The following SSBP2 variants were observed in gnomAD, a reference collection of about 807,000 sequenced individuals.
SSBP2 encodes single stranded DNA binding protein 2.
Under a neutral mutation model 61.8 loss-of-function variants are expected in SSBP2, and 17 were observed. The observed-to-expected ratio is 0.28, with a 90% confidence interval of 0.19 to 0.41. The LOEUF is 0.41. Among genes scored for constraint, SSBP2 ranks in the 10% least tolerant of loss-of-function variants. The pLI is 1.00. For missense variants in SSBP2, 310 were observed against 458.7 expected (o/e 0.68, Z 2.96); for synonymous variants, 139 against 141.3 (o/e 0.98, Z 0.12).
chr5:81,681,938 A>G (rs1441288823), intron 1 of SSBP2, among the ~76,000 whole-genome samples: 1 of 152,220 alleles, frequency 6.6e-6, no homozygotes. Context: ...GAACACCTCT[A>G]TACTCAAAAA....
At chr5:81,521,679 T>C (rs1234851618) in intron 4 of SSBP2, among the ~76,000 whole-genome samples, 2 of 152,022 alleles carry the variant, frequency 1.3e-5, no homozygotes, top group African/African-American at 4.8e-5. Flanking sequence ...ATTCTATATC[T>C]AGGTATTGGT....
At chr5:81,547,877 A>G (rs924814604) in intron 4 of SSBP2, among the ~76,000 whole-genome samples, 1 of 152,244 alleles carries the variant, frequency 6.6e-6, no homozygotes, top group African/African-American at 2.4e-5. Flanking sequence ...AAAAGGAGAC[A>G]GTGAAAAAAT....
intron 1 of SSBP2, among the ~76,000 whole-genome samples, chr5:81,724,635 T>G (rs1755754887): frequency 6.6e-6 from 1 of 151,972 alleles, no homozygotes; most frequent in Admixed American, 6.6e-5. Context: ...TATACAAAGG[T>G]AAACTCCTAA....
At chr5:81,512,217 T>G (rs763652812) in intron 5 of SSBP2, among the ~76,000 whole-genome samples, 5 of 152,198 alleles carry the variant, frequency 3.3e-5, no homozygotes, top group Non-Finnish European at 7.4e-5. Context: ...GCTTAAAAGA[T>G]AAATTCAGTG....
intron 4 of SSBP2, among the ~76,000 whole-genome samples, chr5:81,569,235 C>A (rs763418410): frequency 6.6e-5 from 10 of 152,120 alleles, no homozygotes; most frequent in Non-Finnish European, 1.5e-4. Context: ...CTGACAAAAG[C>A]ATAGTGTAAC....
chr5:81,439,309 C>T (rs1049212161), intron 14 of SSBP2, among the ~76,000 whole-genome samples: 5 of 151,876 alleles, frequency 3.3e-5, no homozygotes, highest in Middle Eastern at 3.2e-3. Context: ...TAAACATATA[C>T]GAACATAAAA....
chr5:81,623,778 A>G (rs984522820), intron 3 of SSBP2, among the ~76,000 whole-genome samples: 1 of 152,188 alleles, frequency 6.6e-6, no homozygotes, highest in African/African-American at 2.4e-5. Context: ...TTAAATATTT[A>G]TCTTATAATA....
intron 6 of SSBP2, among the ~76,000 whole-genome samples, chr5:81,478,542 T>C (rs1248346886): frequency 6.6e-6 from 1 of 152,130 alleles, no homozygotes; most frequent in African/African-American, 2.4e-5. Context: ...TTTCACCATG[T>C]TGGCCAGGCT....
At chr5:81,446,478 T>C (rs530960971) in intron 12 of SSBP2, among the ~76,000 whole-genome samples, 10 of 152,098 alleles carry the variant, frequency 6.6e-5, no homozygotes, top group African/African-American at 2.4e-4. Flanking sequence ...AGTAAGATAA[T>C]AGATGTGGTG....
intron 4 of SSBP2, among the ~76,000 whole-genome samples, chr5:81,609,675 G>A (rs1012728125): frequency 6.6e-6 from 1 of 152,150 alleles, no homozygotes; most frequent in South Asian, 2.1e-4. Flanking sequence ...CAAGCTAAAG[G>A]TCAAACCCAC....
chr5:81,734,128 T>C (rs1756443046), intron 1 of SSBP2, among the ~76,000 whole-genome samples: 1 of 152,182 alleles, frequency 6.6e-6, no homozygotes, highest in Admixed American at 6.5e-5. Context: ...CTTAAGTGAA[T>C]TGGTAGATAT....
chr5:81,547,751 A>G (rs1216571985), intron 4 of SSBP2, among the ~76,000 whole-genome samples: 1 of 152,230 alleles, frequency 6.6e-6, no homozygotes, highest in African/African-American at 2.4e-5. Flanking sequence ...GGAATTAAAC[A>G]TATGAGCCAC....
rs769569292 is a variant in SSBP2, at chr5:81,751,055, A to G, written c.-13T>C. The G allele has an allele frequency of 9.5e-6, 15 of 1,585,128 alleles. No individual in the cohort carries two copies. In the Admixed American group the frequency reaches 1.1e-4, roughly 11 times the overall value. ...CTTTGCCGTACATGCTTGTGCCGAGAGCAGCTCCCACTGTCACGCACCTGT... is the reference window on the plus strand; with the variant it reads ...CTTTGCCGTACATGCTTGTGCCGAGGGCAGCTCCCACTGTCACGCACCTGT... On this transcript the variant is annotated 5_prime_UTR_variant, in exon 1 of 17. Transcript: ENST00000320672.
chr5:81,636,684 TA>T, intron 2 of SSBP2, 66 bp from the exon 3 acceptor site: 1 of 1,168,698 alleles, frequency 8.6e-7, no homozygotes, highest in Non-Finnish European at 1.2e-6. Context: ...TACAAAGTAA[TA>T]ATATCCCCAT....
chr5:81,565,484 A>G (rs1773351772), intron 4 of SSBP2, among the ~76,000 whole-genome samples: 1 of 152,182 alleles, frequency 6.6e-6, no homozygotes, highest in Non-Finnish European at 1.5e-5. Flanking sequence ...GTGCCAAAAC[A>G]TACATATACG....
In SSBP2 at chr5:81,656,990, T is replaced by A. The variant is rs867944932; in HGVS notation, c.63-6651A>T. ...ATGTACATACAAGCACTGGAACAAG[T>A]CACTCCCATGCTTCCCACGCTCATG... On this transcript the variant is annotated intron_variant, in intron 1 of 16. Transcript: ENST00000320672. Among the ~76,000 whole-genome samples, 4 of 152,150 alleles carry A rather than the reference T, an allele frequency of 2.6e-5. No individual in the cohort carries two copies. In the South Asian group the frequency reaches 8.3e-4, roughly 31 times the overall value.
At chr5:81,695,902 T>C (rs1753570113) in intron 1 of SSBP2, among the ~76,000 whole-genome samples, 1 of 152,216 alleles carries the variant, frequency 6.6e-6, no homozygotes, top group South Asian at 2.1e-4. Flanking sequence ...AAGATTCTAA[T>C]ACTTATCAGA....
rs190225117 is a variant in SSBP2, at chr5:81,481,139, G to A, written c.433-6577C>T. Reference sequence around the variant, plus strand: ...TTGAACCTCTCAGAGTCATCCACAAGGGTCTGAATCAGCTTCTTCCAAACT... The same window carrying A: ...TTGAACCTCTCAGAGTCATCCACAAAGGTCTGAATCAGCTTCTTCCAAACT... On this transcript the variant is annotated intron_variant, in intron 6 of 16. Coordinates refer to ENST00000320672, the MANE Select transcript of SSBP2 (RefSeq NM_012446.5). 3.7e-3 allele frequency among the ~76,000 whole-genome samples: 562 copies of A among 152,198 alleles called. 3 individuals are homozygous for A. The highest frequency in any genetic ancestry group is 5.9e-3 in the Non-Finnish European group (399 of 68,000).
intron 9 of SSBP2, among the ~76,000 whole-genome samples, chr5:81,463,607 G>C (rs1178617942): frequency 6.6e-6 from 1 of 152,076 alleles, no homozygotes; most frequent in African/African-American, 2.4e-5. Flanking sequence ...GGCTGAGGCA[G>C]GAGAATTGCT....
Sources: gnomAD v4.1 joint callset for allele counts (sites outside exome capture counted in the v4.1 genomes callset) on GRCh38, gnomAD v4.1.1 for gene constraint, MANE v1.5 for transcripts, NCBI Gene and HGNC (gene_info 2026-07-23, HGNC 2026-07-21) for gene names.